Variants in DHX35 observed in about 807,000 individuals in gnomAD.
DHX35 encodes probable ATP-dependent RNA helicase DHX35.
A neutral mutation model predicts 99.6 loss-of-function variants in DHX35; 84 were observed. That is an observed-to-expected ratio of 0.84 (90% CI 0.71 to 1.01). DHX35 has a LOEUF of 1.01. Among genes scored for constraint, DHX35 ranks in the 50% least tolerant of loss-of-function variants. The pLI is 0.00. For synonymous variants in DHX35, 331 were observed against 316.2 expected, an observed-to-expected ratio of 1.05 and a Z score of -0.50; for missense variants, 852 against 888.5, an observed-to-expected ratio of 0.96 and a Z score of 0.52.
At chr20:38,982,647 T>C (rs556489920) in intron 3 of DHX35, among the ~76,000 whole-genome samples, 6 of 152,340 alleles carry the variant, frequency 3.9e-5, no homozygotes, top group Non-Finnish European at 8.8e-5. Context: ...TCCCCTTCTT[T>C]CTACACCTTT....
intron 1 of DHX35, among the ~76,000 whole-genome samples, chr20:38,964,155 T>C (rs981199796): frequency 6.6e-6 from 1 of 151,998 alleles, no homozygotes; most frequent in African/African-American, 2.4e-5. Flanking sequence ...TTCATTAAGG[T>C]GGTATTTTTG....
At chr20:38,990,325 C>T (rs1328957784) in intron 5 of DHX35, among the ~76,000 whole-genome samples, 1 of 152,170 alleles carries the variant, frequency 6.6e-6, no homozygotes, top group Non-Finnish European at 1.5e-5. Context: ...GTAAAAAACA[C>T]CTAAGATACA....
chr20:39,030,778 A>G lies in DHX35; in HGVS notation c.1955+3A>G, dbSNP rs971534198. The stretch of plus-strand genomic sequence containing the variant: ...TATGCAGAGAAGCCGCCTCGCTGGT[A>G]AGCTCATCCTGCTGCTTAGCCTGTG... On this transcript the variant is annotated splice_donor_region_variant and intron_variant, in intron 20 of 21. Coordinates refer to ENST00000252011, the MANE Select transcript of DHX35 (RefSeq NM_021931.4). The G allele has an allele frequency of 1.2e-6, 2 of 1,614,122 alleles. No homozygotes were observed.
At chr20:38,964,085 T>G (rs1225709390) in intron 1 of DHX35, among the ~76,000 whole-genome samples, 1 of 152,208 alleles carries the variant, frequency 6.6e-6, no homozygotes, top group African/African-American at 2.4e-5. Context: ...TAGGTTACTA[T>G]TATAATTATA....
chr20:39,004,776 ACAGCT>A (rs1235359750), intron 11 of DHX35, among the ~76,000 whole-genome samples: 1 of 152,202 alleles, frequency 6.6e-6, no homozygotes, highest in Non-Finnish European at 1.5e-5. Context: ...CAGCCCGAGG[ACAGCT>A]TTTACTGTAG....
chr20:38,983,901 T>C (rs893548385), intron 4 of DHX35, 125 bp downstream of exon 4: 11 of 801,352 alleles, frequency 1.4e-5, no homozygotes, highest in Non-Finnish European at 2.0e-5. Flanking sequence ...TCAGTTTTTA[T>C]GTTTTTTTTA....
At chr20:39,029,263 C>T (rs922165651) in intron 19 of DHX35, 3 of 152,044 alleles carry the variant, frequency 2.0e-5, no homozygotes, top group Non-Finnish European at 4.4e-5. Context: ...AAGAATTTCT[C>T]CCCAGCTCTT....
chr20:38,980,060 C>T (rs1056071539), intron 3 of DHX35, among the ~76,000 whole-genome samples: 5 of 152,106 alleles, frequency 3.3e-5, no homozygotes, highest in East Asian at 1.9e-4. Flanking sequence ...TGCCTCTTGA[C>T]GTTAGCACTA....
intron 21 of DHX35, among the ~76,000 whole-genome samples, chr20:39,035,047 A>C (rs1291084138): frequency 6.6e-6 from 1 of 152,104 alleles, no homozygotes; most frequent in African/African-American, 2.4e-5. Context: ...GGTGTGAGCC[A>C]CCATGCCACC....
intron 4 of DHX35, among the ~76,000 whole-genome samples, chr20:38,985,374 C>CAA (rs58084339): frequency 5.6e-4 from 41 of 73,854 alleles, no homozygotes; most frequent in African/African-American, 7.7e-4. Context: ...ACCCTATCTC[C>CAA]AAAAAAAAAA....
intron 14 of DHX35, among the ~76,000 whole-genome samples, chr20:39,018,333 T>C (rs1376190171): frequency 6.6e-6 from 1 of 151,190 alleles, no homozygotes; most frequent in Admixed American, 6.6e-5. Context: ...ACCAGGAGAG[T>C]TGGGGGCCGG....
intron 1 of DHX35, among the ~76,000 whole-genome samples, chr20:38,964,250 A>G (rs372986912): frequency 2.0e-5 from 3 of 152,222 alleles, no homozygotes; most frequent in African/African-American, 7.2e-5. Context: ...CAAAGGCAGA[A>G]TGGGATTTGT....
At chr20:38,998,228 A>G (rs2086461221) in intron 8 of DHX35, among the ~76,000 whole-genome samples, 1 of 152,252 alleles carries the variant, frequency 6.6e-6, no homozygotes, top group South Asian at 2.1e-4. Context: ...GTCCAACTGC[A>G]TGGCAGAATA....
chr20:39,004,287 G>A (rs147589055), intron 11 of DHX35, among the ~76,000 whole-genome samples: 2 of 152,144 alleles, frequency 1.3e-5, no homozygotes, highest in South Asian at 2.1e-4. Flanking sequence ...GGATGGTCTC[G>A]ATCTCCTGAC....
chr20:39,003,892 A>C lies in DHX35; in HGVS notation c.996A>C (p.Ser332=). Residue 332 remains serine (S), a synonymous_variant, in exon 11 of 22, where the codon TCA becomes TCC. Transcript: ENST00000252011. ...FEQMKVFERV[S]RSVRKVIVAT... ...AAATGAAAGTGTTTGAAAGGGTGTC[A>C]CGCAGTGTCAGAAAGGTGAGACTAT... 6.2e-7 allele frequency: 1 copy of C among 1,614,150 alleles called. No homozygotes were observed. Among genetic ancestry groups the C allele is most frequent in the Non-Finnish European group, 8.5e-7 (1 of 1,180,014 alleles).
Position 39,018,889 on chromosome 20 carries a change from G to C in DHX35, c.1488G>C (p.Leu496=), listed in dbSNP as rs1202096678. Residue 496 remains leucine (L), a synonymous_variant, in exon 15 of 22, where the codon CTG becomes CTC. Transcript: ENST00000252011. ...FPLNPMFAKM[L]LESGNFGCSQ... Reference sequence around the variant, plus strand: ...TGAATCCCATGTTTGCCAAAATGCTGCTTGAATCAGGTGGGTAGAGCCTGA... The same window carrying C: ...TGAATCCCATGTTTGCCAAAATGCTCCTTGAATCAGGTGGGTAGAGCCTGA... 1.9e-6 allele frequency: 3 copies of C among 1,613,874 alleles called. No homozygotes were observed. The South Asian group carries it at 3.3e-5, about 18-fold the overall frequency.
chr20:38,962,563 C>T (rs2085848759), intron 1 of DHX35, 156 bp downstream of exon 1: 1 of 850,988 alleles, frequency 1.2e-6, no homozygotes, highest in Non-Finnish European at 1.8e-6. Flanking sequence ...GGCTCAGGCT[C>T]CCCAGTGGTC....
intron 11 of DHX35, among the ~76,000 whole-genome samples, chr20:39,004,998 A>G (rs2086589200): frequency 6.6e-6 from 1 of 152,200 alleles, no homozygotes; most frequent in African/African-American, 2.4e-5. Flanking sequence ...GCCTTGGGAC[A>G]ACTGACTTAA....
chr20:39,004,224 G>A (rs535256988), intron 11 of DHX35, among the ~76,000 whole-genome samples: 26 of 152,096 alleles, frequency 1.7e-4, no homozygotes, highest in Admixed American at 1.2e-3. Flanking sequence ...CACCACACCC[G>A]GCTAATTTTT....
Sources: allele counts gnomAD v4.1 joint callset (sites outside exome capture counted in the v4.1 genomes callset), GRCh38; gene constraint gnomAD v4.1.1; transcripts MANE v1.5; gene names NCBI Gene and HGNC (gene_info 2026-07-23, HGNC 2026-07-21).